Variants in PRMT3 observed in about 807,000 individuals in gnomAD.
PRMT3 encodes protein arginine methyltransferase 3.
In PRMT3, 62 loss-of-function variants were observed where a neutral mutation model predicts 71.9. The observed-to-expected ratio is 0.86, with a 90% CI of 0.70 to 1.07. The LOEUF (loss-of-function observed/expected upper bound fraction) is 1.07, where lower values mean the gene tolerates loss of function less well. PRMT3 is among the 50% of genes least tolerant of loss of function. The probability of loss-of-function intolerance (pLI) is 0.00; values close to 1 mark genes in which losing one functional copy is unlikely to be tolerated. For synonymous variants in PRMT3, 213 were observed against 220.4 expected, an observed-to-expected ratio of 0.97 and a Z score of 0.30; for missense variants, 663 against 643.0, an observed-to-expected ratio of 1.03 and a Z score of -0.34.
intron 9 of PRMT3, 86 bp from the exon 10 acceptor site, chr11:20,426,680 A>G (rs1849553393): frequency 4.7e-6 from 6 of 1,270,632 alleles, no homozygotes; most frequent in South Asian, 2.4e-5. Flanking sequence ...CCACAAAACA[A>G]TACGAGTTGT....
At chr11:20,448,234 T>C (rs1329782984) in intron 10 of PRMT3, among the ~76,000 whole-genome samples, 1 of 152,084 alleles carries the variant, frequency 6.6e-6, no homozygotes, top group African/African-American at 2.4e-5. Context: ...TGATGAGGAT[T>C]CCAGTCAGTG....
At position 20,489,522 on chromosome 11, in the gene PRMT3, A is replaced by C. The variant is rs552455357; in HGVS notation, c.1348-4397A>C. 5.3e-5 allele frequency among the ~76,000 whole-genome samples: 8 copies of C among 152,324 alleles called. No individual in the cohort carries two copies. The South Asian group carries it at 1.7e-3, about 32-fold the overall frequency. ...ATATTTGAATGACTTCCACAGAGATAATGTATATTCATTGAAATTAACATT... is the reference window on the plus strand; with the variant it reads ...ATATTTGAATGACTTCCACAGAGATCATGTATATTCATTGAAATTAACATT... On this transcript the variant is annotated intron_variant, in intron 13 of 15. Coordinates refer to ENST00000331079, the MANE Select transcript of PRMT3 (RefSeq NM_005788.4).
chr11:20,424,021 GA>G (rs1849485536), intron 9 of PRMT3, among the ~76,000 whole-genome samples: 1 of 151,230 alleles, frequency 6.6e-6, no homozygotes, highest in South Asian at 2.1e-4. Context: ...CATATCTACT[GA>G]AAATACAAAA....
At chr11:20,496,636 T>G (rs1439187456) in intron 15 of PRMT3, among the ~76,000 whole-genome samples, 1 of 144,094 alleles carries the variant, frequency 6.9e-6, no homozygotes, top group Admixed American at 6.9e-5. Context: ...GGGGTGGGGG[T>G]CAATGTCATA....
intron 10 of PRMT3, among the ~76,000 whole-genome samples, chr11:20,439,771 G>A (rs1849844706): frequency 6.6e-6 from 1 of 152,186 alleles, no homozygotes; most frequent in Admixed American, 6.5e-5. Flanking sequence ...TGTTTATGTG[G>A]AGTTTGAAAA....
At position 20,398,606 on chromosome 11, in the gene PRMT3, C is replaced by T. The variant is rs189696067; in HGVS notation, c.705+885C>T. Among the ~76,000 whole-genome samples, 53 of 152,288 alleles carry T rather than the reference C, an allele frequency of 3.5e-4. 3 individuals carry two copies. The highest frequency in any genetic ancestry group is 1.2e-3 in the African/African-American group (50 of 41,570). ...TAGCTGGGACTACAGGTGCCCGCCA[C>T]GGCGCCTGGCTAATTTTTTGTATTT... On this transcript the variant is annotated intron_variant, in intron 7 of 15. Transcript: ENST00000331079.
At chr11:20,472,538 G>T (rs1850671505) in intron 13 of PRMT3, among the ~76,000 whole-genome samples, 1 of 152,096 alleles carries the variant, frequency 6.6e-6, no homozygotes, top group Non-Finnish European at 1.5e-5. Context: ...GCCTCCCAAA[G>T]ATGAAGCCAA....
intron 2 of PRMT3, among the ~76,000 whole-genome samples, chr11:20,389,427 G>A (rs1271772193): frequency 6.6e-6 from 1 of 151,524 alleles, no homozygotes; most frequent in Non-Finnish European, 1.5e-5. Context: ...TATGACTTGA[G>A]AGAAACAGAC....
At chr11:20,429,019 C>T (rs959237021) in intron 10 of PRMT3, among the ~76,000 whole-genome samples, 1 of 152,176 alleles carries the variant, frequency 6.6e-6, no homozygotes, top group Non-Finnish European at 1.5e-5. Context: ...GATGACTGCT[C>T]ATATCTTTTA....
chr11:20,462,308 G>T (rs1164911295), intron 12 of PRMT3, 141 bp downstream of exon 12: 3 of 600,618 alleles, frequency 5.0e-6, no homozygotes, highest in African/African-American at 3.7e-5. Flanking sequence ...ACAAATTGAG[G>T]TCATAATATT....
chr11:20,397,770 A>G, intron 7 of PRMT3, 49 bp downstream of exon 7: 1 of 1,590,692 alleles, frequency 6.3e-7, no homozygotes, highest in Non-Finnish European at 8.6e-7. Context: ...GGAAAAATAG[A>G]ACAGGTTCTT....
At chr11:20,426,679 A>G (rs1849553311) in intron 9 of PRMT3, 87 bp from the exon 10 acceptor site, 1 of 1,261,828 alleles carries the variant, frequency 7.9e-7, no homozygotes, top group East Asian at 3.2e-5. Context: ...CCCACAAAAC[A>G]ATACGAGTTG....
intron 15 of PRMT3, among the ~76,000 whole-genome samples, chr11:20,504,707 TGAGA>T (rs57201745): frequency 0.18 from 24,437 of 133,342 alleles, 2,110 homozygotes; most frequent in East Asian, 0.31. Flanking sequence ...TGTGTGTGTG[TGAGA>T]GAGAGAGAGA....
chr11:20,469,743 C>T lies in PRMT3; in HGVS notation c.1347+5197C>T, dbSNP rs566879637. On this transcript the variant is annotated intron_variant, in intron 13 of 15. Transcript: ENST00000331079. ...TTCAGGTTTTCAGATTATGAATATTCGACCTGTAAAGGTTTTTATTTGATA... is the reference window on the plus strand; with the variant it reads ...TTCAGGTTTTCAGATTATGAATATTTGACCTGTAAAGGTTTTTATTTGATA... 5.9e-5 allele frequency among the ~76,000 whole-genome samples: 9 copies of T among 152,092 alleles called. No homozygotes were observed. In the South Asian group the frequency reaches 1.2e-3, roughly 21 times the overall value.
intron 9 of PRMT3, among the ~76,000 whole-genome samples, chr11:20,420,232 A>C (rs1467688799): frequency 6.6e-6 from 1 of 152,198 alleles, no homozygotes; most frequent in African/African-American, 2.4e-5. Flanking sequence ...TAGGAATGCA[A>C]AGTTGGTTAA....
intron 9 of PRMT3, among the ~76,000 whole-genome samples, chr11:20,417,774 TCACACA>T (rs34609751): frequency 4.7e-5 from 7 of 149,340 alleles, no homozygotes; most frequent in African/African-American, 7.4e-5. Context: ...TCTCTCTCTG[TCACACA>T]CACACACACA....
intron 13 of PRMT3, among the ~76,000 whole-genome samples, chr11:20,475,042 G>C (rs1388914266): frequency 1.3e-5 from 2 of 152,158 alleles, no homozygotes; most frequent in African/African-American, 2.4e-5. Context: ...GGAAGGGGTA[G>C]GCTGCAAGCT....
At chr11:20,395,514 T>G (rs954062465) in intron 5 of PRMT3, among the ~76,000 whole-genome samples, 2 of 151,546 alleles carry the variant, frequency 1.3e-5, no homozygotes, top group African/African-American at 4.9e-5. Flanking sequence ...TGGCTAACTT[T>G]TTGTATTTTT....
At chr11:20,395,695 C>A in intron 5 of PRMT3, 108 bp from the exon 6 acceptor site, 1 of 1,059,318 alleles carries the variant, frequency 9.4e-7, no homozygotes, top group Non-Finnish European at 1.3e-6. Flanking sequence ...ACTAATCTTT[C>A]TCAATTGGCC....
Sources: allele counts gnomAD v4.1 joint callset (sites outside exome capture counted in the v4.1 genomes callset), GRCh38; gene constraint gnomAD v4.1.1; transcripts MANE v1.5; gene names NCBI Gene and HGNC (gene_info 2026-07-23, HGNC 2026-07-21).